SIM1: variants seen among roughly 807,000 people sequenced by gnomAD.
The protein encoded by SIM1 is single-minded homolog 1.
SIM1 carries 18 observed loss-of-function variants against 78.2 expected under a neutral mutation model. The ratio of observed to expected loss-of-function variants is 0.23; its 90% CI spans 0.16 to 0.34. The LOEUF (loss-of-function observed/expected upper bound fraction) is 0.34. SIM1 is among the 10% of genes least tolerant of loss of function. The pLI is 1.00. For synonymous variants in SIM1, 417 were observed against 385.2 expected, an observed-to-expected ratio of 1.08 and a Z score of -0.97; for missense variants, 939 against 975.1, an observed-to-expected ratio of 0.96 and a Z score of 0.49.
intron 10 of SIM1, among the ~76,000 whole-genome samples, chr6:100,397,654 A>T (rs892655236): frequency 6.6e-6 from 1 of 152,246 alleles, no homozygotes; most frequent in Non-Finnish European, 1.5e-5. Flanking sequence ...CACAATCCAT[A>T]AAAGAAAAAA....
At chr6:100,425,069 C>T (rs930587596) in intron 9 of SIM1, among the ~76,000 whole-genome samples, 1 of 152,092 alleles carries the variant, frequency 6.6e-6, no homozygotes, top group African/African-American at 2.4e-5. Flanking sequence ...TCATGGGGGC[C>T]AGTCTTTCTC....
chr6:100,420,510 T>A (rs991967578), intron 10 of SIM1, among the ~76,000 whole-genome samples: 1 of 152,148 alleles, frequency 6.6e-6, no homozygotes, highest in Admixed American at 6.5e-5. Flanking sequence ...GGAGGGAAAT[T>A]CAGGATCAAT....
chr6:100,396,422 G>A (rs765393851), intron 10 of SIM1, among the ~76,000 whole-genome samples: 1 of 152,162 alleles, frequency 6.6e-6, no homozygotes, highest in Non-Finnish European at 1.5e-5. Context: ...AGAACATTCT[G>A]TCCTTCAATC....
At chr6:100,438,097 A>G (rs1772104584) in intron 9 of SIM1, among the ~76,000 whole-genome samples, 1 of 152,178 alleles carries the variant, frequency 6.6e-6, no homozygotes, top group Admixed American at 6.5e-5. Flanking sequence ...TGCAACAAAA[A>G]TGAAAATAAA....
chr6:100,440,057 A>G (rs1404500173), intron 9 of SIM1, among the ~76,000 whole-genome samples: 1 of 152,234 alleles, frequency 6.6e-6, no homozygotes, highest in East Asian at 1.9e-4. Flanking sequence ...GGAGAAAACA[A>G]TGAATTCTCT....
chr6:100,453,510 C>T (rs996705733), intron 3 of SIM1, among the ~76,000 whole-genome samples: 10 of 152,110 alleles, frequency 6.6e-5, no homozygotes, highest in African/African-American at 2.4e-4. Context: ...GGCTACATTC[C>T]AAACCCAACT....
chr6:100,424,637 C>A (rs1016892891), intron 9 of SIM1, among the ~76,000 whole-genome samples: 2 of 151,822 alleles, frequency 1.3e-5, no homozygotes, highest in Non-Finnish European at 2.9e-5. Flanking sequence ...CACGAGATCT[C>A]TCTGTGTTGC....
At chr6:100,418,471 T>G (rs1405234917) in intron 10 of SIM1, among the ~76,000 whole-genome samples, 3 of 152,168 alleles carry the variant, frequency 2.0e-5, no homozygotes, top group African/African-American at 7.2e-5. Context: ...TGTATAACTT[T>G]CCAGTTAACT....
rs1582596479 is a variant in SIM1 at position 100,388,356 on chromosome 6, G to C, written c.*2005C>G. Reference sequence around the variant, plus strand: ...TGGGTTTTTTATCTGCATTTGATTGGAAAAAAAACCACACATAAGTGAATC... The same window carrying C: ...TGGGTTTTTTATCTGCATTTGATTGCAAAAAAAACCACACATAAGTGAATC... On this transcript the variant is annotated 3_prime_UTR_variant, in exon 12 of 12. Coordinates refer to ENST00000369208, the MANE Select transcript of SIM1 (RefSeq NM_005068.3). 6.6e-6 allele frequency: 1 copy of C among 151,430 alleles called. No homozygotes were observed. Among genetic ancestry groups the C allele is most frequent in the Non-Finnish European group, 1.5e-5 (1 of 67,836 alleles). The allele number at this position is 151,430 out of a possible 1,614,324, so 9.4% of individuals were successfully genotyped here.
At chr6:100,433,370 G>A (rs1307145997) in intron 9 of SIM1, among the ~76,000 whole-genome samples, 3 of 151,918 alleles carry the variant, frequency 2.0e-5, no homozygotes, top group East Asian at 3.9e-4. Context: ...TCCACCTCAG[G>A]GCCTTTGCAT....
intron 9 of SIM1, among the ~76,000 whole-genome samples, chr6:100,439,827 G>T (rs1248405361): frequency 6.6e-6 from 1 of 152,074 alleles, no homozygotes; most frequent in East Asian, 1.9e-4. Flanking sequence ...CACAAAGAAA[G>T]TGCTCAATAA....
intron 10 of SIM1, among the ~76,000 whole-genome samples, chr6:100,410,154 G>A (rs975137347): frequency 2.6e-5 from 4 of 152,060 alleles, no homozygotes; most frequent in African/African-American, 9.6e-5. Flanking sequence ...ACTCTAGAAG[G>A]GTCAAATCCC....
At chr6:100,449,993 A>G (rs1772468060) in intron 4 of SIM1, among the ~76,000 whole-genome samples, 1 of 152,232 alleles carries the variant, frequency 6.6e-6, no homozygotes, top group African/African-American at 2.4e-5. Context: ...TGATAAAGAC[A>G]TCATGAAATA....
intron 9 of SIM1, among the ~76,000 whole-genome samples, chr6:100,436,974 G>GA (rs1231393656): frequency 2.0e-5 from 3 of 151,994 alleles, no homozygotes; most frequent in Admixed American, 2.0e-4. Flanking sequence ...CTGACTTCGT[G>GA]ATCCACCTAC....
In SIM1 at chr6:100,385,763, CTGTGTGCGTA is replaced by C. The variant is rs1770504408; in HGVS notation, c.*4588_*4597del. The C allele has an allele frequency of 6.8e-6, 1 of 147,550 alleles. No homozygotes were observed. The highest frequency in any genetic ancestry group is 1.5e-5 in the Non-Finnish European group (1 of 67,028). The allele number at this position is 147,550 out of a possible 1,614,324, so 9.1% of individuals were successfully genotyped here. A position where few individuals can be genotyped will look rare whatever the true frequency, so the allele number is the denominator to read the frequency against. ...AATATGATATAAAAATCATATTTTT[CTGTGTGCGTA>C]TGTGTGTGTGTATGCTTTCTGCATA... On this transcript the variant is annotated 3_prime_UTR_variant, in exon 12 of 12. Transcript: ENST00000369208.
chr6:100,411,032 TA>T (rs1771175608), intron 10 of SIM1, among the ~76,000 whole-genome samples: 1 of 152,174 alleles, frequency 6.6e-6, no homozygotes, highest in Admixed American at 6.5e-5. Flanking sequence ...TTCATAAGCA[TA>T]ACACTATTAA....
Position 100,464,326 on chromosome 6 carries a change from G to T in SIM1, c.-468+288C>A, listed in dbSNP as rs188944751. On this transcript the variant is annotated intron_variant, in intron 1 of 11. Transcript: ENST00000369208. ...GGCCTTTCAGCTCCCTACCTTGGCA[G>T]ATCTGGACCTTGGCTACCTCTTTAA... is the stretch of plus-strand genomic sequence containing the variant. Among the ~76,000 whole-genome samples the T allele has an allele frequency of 4.4e-3, 672 of 152,322 alleles. 5 individuals are homozygous for T. Among genetic ancestry groups the T allele is most frequent in the African/African-American group, 0.015 (644 of 41,566 alleles).
intron 2 of SIM1, among the ~76,000 whole-genome samples, chr6:100,455,470 G>A (rs967259913): frequency 1.3e-5 from 2 of 152,304 alleles, no homozygotes; most frequent in South Asian, 2.1e-4. Context: ...TCCCCTTTCA[G>A]CCAACCTATT....
At chr6:100,401,133 A>G (rs1770904198) in intron 10 of SIM1, among the ~76,000 whole-genome samples, 1 of 152,174 alleles carries the variant, frequency 6.6e-6, no homozygotes, top group South Asian at 2.1e-4. Context: ...GAAGTATTCC[A>G]GTGGATAGTG....
Sources: gnomAD v4.1 joint callset for allele counts (sites outside exome capture counted in the v4.1 genomes callset) on GRCh38, gnomAD v4.1.1 for gene constraint, MANE v1.5 for transcripts, NCBI Gene and HGNC (gene_info 2026-07-23, HGNC 2026-07-21) for gene names.